LRRC4C: variants seen among roughly 807,000 people sequenced by gnomAD.
LRRC4C encodes the protein leucine-rich repeat-containing protein 4C.
LRRC4C carries 5 observed loss-of-function variants against 33.6 expected under a neutral mutation model. The ratio of observed to expected loss-of-function variants is 0.15; its 90% CI spans 0.08 to 0.31. The LOEUF (loss-of-function observed/expected upper bound fraction) is 0.31. LRRC4C is among the 10% of genes least tolerant of loss of function. The pLI, the probability that LRRC4C is intolerant of heterozygous loss-of-function variation, is 1.00. For missense variants in LRRC4C, 560 were observed against 796.7 expected (o/e 0.70, Z 3.58); for synonymous variants, 329 against 302.0 (o/e 1.09, Z -0.93).
At chr11:40,712,571 G>A (rs1022739154) in intron 2 of LRRC4C, among the ~76,000 whole-genome samples, 8 of 152,012 alleles carry the variant, frequency 5.3e-5, no homozygotes, top group African/African-American at 1.7e-4. Flanking sequence ...ATATTTACAA[G>A]AATGCTGACC....
intron 1 of LRRC4C, among the ~76,000 whole-genome samples, chr11:41,074,888 T>C (rs1049902111): frequency 6.6e-6 from 1 of 152,060 alleles, no homozygotes; most frequent in Non-Finnish European, 1.5e-5. Flanking sequence ...AATAAAAACT[T>C]AGAATGGAGG....
intron 1 of LRRC4C, among the ~76,000 whole-genome samples, chr11:41,362,984 C>G (rs1349455342): frequency 6.6e-6 from 1 of 152,138 alleles, no homozygotes; most frequent in Admixed American, 6.5e-5. Flanking sequence ...TTCATAGGTT[C>G]AAGGGGTTAA....
At chr11:40,903,534 C>CA (rs1404484685) in intron 2 of LRRC4C, among the ~76,000 whole-genome samples, 1 of 152,052 alleles carries the variant, frequency 6.6e-6, no homozygotes, top group Non-Finnish European at 1.5e-5. Flanking sequence ...TGGATGTAAG[C>CA]AAAATAATTT....
intron 5 of LRRC4C, among the ~76,000 whole-genome samples, chr11:40,183,622 T>G (rs1227138307): frequency 2.0e-5 from 3 of 152,316 alleles, no homozygotes; most frequent in South Asian, 2.1e-4. Context: ...AGGATAATGA[T>G]CTCATTATAA....
intron 1 of LRRC4C, among the ~76,000 whole-genome samples, chr11:41,084,738 A>G (rs538485296): frequency 1.3e-5 from 2 of 152,260 alleles, no homozygotes; most frequent in Non-Finnish European, 2.9e-5. Context: ...AAACCCAGCT[A>G]CTCAAGAGGC....
intron 1 of LRRC4C, among the ~76,000 whole-genome samples, chr11:41,246,481 C>T (rs1042085192): frequency 1.3e-4 from 20 of 152,122 alleles, no homozygotes; most frequent in Non-Finnish European, 2.6e-4. Context: ...CATCCGCAGT[C>T]GTGGCTGAGC....
At chr11:40,284,303 C>G (rs1203346090) in intron 4 of LRRC4C, among the ~76,000 whole-genome samples, 1 of 152,102 alleles carries the variant, frequency 6.6e-6, no homozygotes, top group Non-Finnish European at 1.5e-5. Context: ...TGGGAGAGGG[C>G]ATGAATAGGC....
intron 1 of LRRC4C, among the ~76,000 whole-genome samples, chr11:41,121,453 T>C (rs1016232948): frequency 6.6e-6 from 1 of 152,208 alleles, no homozygotes; most frequent in Non-Finnish European, 1.5e-5. Flanking sequence ...TTGTGTACTT[T>C]TCCCTCGTAA....
chr11:40,437,585 G>A (rs905947617), intron 3 of LRRC4C, among the ~76,000 whole-genome samples: 2 of 151,790 alleles, frequency 1.3e-5, no homozygotes, highest in Admixed American at 6.6e-5. Context: ...GTAGAGACTC[G>A]GTTTCTCCAT....
intron 3 of LRRC4C, among the ~76,000 whole-genome samples, chr11:40,414,918 C>A (rs990562422): frequency 1.3e-5 from 2 of 152,022 alleles, no homozygotes; most frequent in African/African-American, 4.8e-5. Context: ...CCACGAGGAG[C>A]GGAATAAACA....
chr11:41,082,498 T>C (rs565526723), intron 1 of LRRC4C, among the ~76,000 whole-genome samples: 1 of 151,552 alleles, frequency 6.6e-6, no homozygotes, highest in Non-Finnish European at 1.5e-5. Flanking sequence ...GTGACTGACT[T>C]TGTGCCAAGC....
At chr11:40,736,767 T>A (rs950652413) in intron 2 of LRRC4C, among the ~76,000 whole-genome samples, 18 of 152,316 alleles carry the variant, frequency 1.2e-4, no homozygotes, top group African/African-American at 3.8e-4. Context: ...TGACCAATGA[T>A]GATGAGCTGT....
At chr11:40,805,004 C>G (rs1195884250) in intron 2 of LRRC4C, among the ~76,000 whole-genome samples, 1 of 152,082 alleles carries the variant, frequency 6.6e-6, no homozygotes, top group Non-Finnish European at 1.5e-5. Context: ...TCCAGCTCAC[C>G]TTTCTATAAT....
At chr11:41,445,791 G>T (rs1013169800) in intron 1 of LRRC4C, among the ~76,000 whole-genome samples, 2 of 151,504 alleles carry the variant, frequency 1.3e-5, no homozygotes, top group African/African-American at 2.4e-5. Flanking sequence ...AACAAAAAAA[G>T]AACTTTTTTT....
chr11:41,211,073 G>A (rs1304159826), intron 1 of LRRC4C, among the ~76,000 whole-genome samples: 5 of 152,182 alleles, frequency 3.3e-5, no homozygotes, highest in African/African-American at 1.2e-4. Flanking sequence ...CTGCTGTGCG[G>A]CCTAGTTCCT....
rs541869852 is a variant in LRRC4C, at chr11:40,901,986, C to T, written c.-407+31649G>A. The stretch of plus-strand genomic sequence containing the variant: ...TGATATATAAGAAAAGACAATCTCT[C>T]TCTCTCTCTCTCTACACACACACAC... On this transcript the variant is annotated intron_variant, in intron 2 of 6. Transcript: ENST00000528697. Among the ~76,000 whole-genome samples, 8 of 144,178 alleles carry T rather than the reference C, an allele frequency of 5.5e-5. No homozygotes were observed. The East Asian group carries it at 1.6e-3, about 29-fold the overall frequency. 94.6% of individuals were successfully genotyped at this position (144,178 alleles called of 152,430 possible). A position where few individuals can be genotyped will look rare whatever the true frequency, so the allele number is the denominator to read the frequency against.
intron 2 of LRRC4C, among the ~76,000 whole-genome samples, chr11:40,813,416 G>C (rs1043948992): frequency 1.9e-4 from 29 of 152,198 alleles, no homozygotes; most frequent in Middle Eastern, 3.4e-3. Context: ...ATCTTGTAAG[G>C]CTTATTAATT....
At chr11:41,400,606 A>C (rs1293638699) in intron 1 of LRRC4C, among the ~76,000 whole-genome samples, 1 of 151,780 alleles carries the variant, frequency 6.6e-6, no homozygotes, top group East Asian at 1.9e-4. Flanking sequence ...TGCTAATGGG[A>C]TCAAAATGCC....
Position 41,123,256 on chromosome 11 carries a change from G to GTTTTTTTTTTTT in LRRC4C, c.-495-189534_-495-189533insAAAAAAAAAAAA, listed in dbSNP as rs1456350828. 2.0e-4 allele frequency among the ~76,000 whole-genome samples: 21 copies of GTTTTTTTTTTTT among 107,136 alleles called. 5 individuals carry two copies. The highest frequency in any genetic ancestry group is 7.5e-4 in the African/African-American group (19 of 25,342). 70.3% of individuals were successfully genotyped at this position (107,136 alleles called of 152,430 possible). ...AAATGCTTTCTCTATCCTGAGCTAT[G>GTTTTTTTTTTTT]TTTTGTTTTTTTTTTTTTTTTTTTT... On this transcript the variant is annotated intron_variant, in intron 1 of 6. Transcript: ENST00000528697.
Sources: gnomAD v4.1 joint callset for allele counts (sites outside exome capture counted in the v4.1 genomes callset) on GRCh38, gnomAD v4.1.1 for gene constraint, MANE v1.5 for transcripts, NCBI Gene and HGNC (gene_info 2026-07-23, HGNC 2026-07-21) for gene names.